Variants in KCNN3 observed in about 807,000 individuals in gnomAD.
The protein encoded by KCNN3 is potassium calcium-activated channel subfamily N member 3, also known as small conductance calcium-activated potassium channel protein 3.
KCNN3 carries 16 observed loss-of-function variants against 62.9 expected under a neutral mutation model. The ratio of observed to expected loss-of-function variants is 0.25; its 90% CI spans 0.17 to 0.39. KCNN3 has a LOEUF of 0.39. Among genes scored for constraint, KCNN3 ranks in the 10% least tolerant of loss-of-function variants. The pLI is 1.00. For synonymous variants in KCNN3, 370 were observed against 389.2 expected (o/e 0.95, Z 0.58); for missense variants, 599 against 949.4 (o/e 0.63, Z 4.85).
chr1:154,859,449 T>C (rs1218587), intron 1 of KCNN3, among the ~76,000 whole-genome samples: 39,768 of 152,104 alleles, frequency 0.26, 5,915 homozygotes, highest in African/African-American at 0.4. Flanking sequence ...TTAGTGGATG[T>C]CAGTCTCCCC....
intron 2 of KCNN3, among the ~76,000 whole-genome samples, chr1:154,804,197 A>G (rs946343981): frequency 3.3e-5 from 5 of 152,242 alleles, no homozygotes; most frequent in Admixed American, 2.0e-4. Flanking sequence ...CATTTGCAGC[A>G]GGAACTGGGA....
At chr1:154,726,647 C>T (rs1033343490) in intron 4 of KCNN3, among the ~76,000 whole-genome samples, 2 of 152,238 alleles carry the variant, frequency 1.3e-5, no homozygotes, top group Non-Finnish European at 2.9e-5. Context: ...GCTTTTTCAC[C>T]TCAAGGTTTA....
intron 1 of KCNN3, chr1:154,859,582 C>T (rs1250032299): frequency 2.0e-6 from 2 of 1,010,652 alleles, no homozygotes; most frequent in Non-Finnish European, 1.6e-6. Flanking sequence ...CCCTGCAGGG[C>T]CCCCTCAGCT....
intron 3 of KCNN3, among the ~76,000 whole-genome samples, chr1:154,764,452 A>T (rs1648167696): frequency 6.6e-6 from 1 of 152,210 alleles, no homozygotes; most frequent in Non-Finnish European, 1.5e-5. Flanking sequence ...ACAGTCTCAT[A>T]GAACTATGGT....
intron 1 of KCNN3, among the ~76,000 whole-genome samples, chr1:154,841,759 C>A (rs13376329): frequency 0.04 from 6,033 of 152,242 alleles, 416 homozygotes; most frequent in African/African-American, 0.14. Context: ...TGCTTGCTAG[C>A]AGGAGTAAGG....
At chr1:154,787,115 A>G (rs574938683) in intron 2 of KCNN3, among the ~76,000 whole-genome samples, 27 of 152,328 alleles carry the variant, frequency 1.8e-4, no homozygotes, top group African/African-American at 5.8e-4. Flanking sequence ...TGTGAAAAAT[A>G]CTTCCAGGGC....
chr1:154,787,739 A>G (rs1649345300), intron 2 of KCNN3, among the ~76,000 whole-genome samples: 1 of 152,166 alleles, frequency 6.6e-6, no homozygotes. Context: ...AGAAGCCCAC[A>G]GGGCCAAGAG....
At chr1:154,853,216 T>C (rs949041142) in intron 1 of KCNN3, among the ~76,000 whole-genome samples, 3 of 152,160 alleles carry the variant, frequency 2.0e-5, no homozygotes, top group African/African-American at 4.8e-5. Flanking sequence ...CTCAAACTCC[T>C]GGCTTCAAGC....
At chr1:154,813,446 A>C (rs890899593) in intron 2 of KCNN3, among the ~76,000 whole-genome samples, 2 of 152,066 alleles carry the variant, frequency 1.3e-5, no homozygotes, top group Admixed American at 6.5e-5. Context: ...TTAAGCCCGC[A>C]GGGGAGGAGG....
intron 1 of KCNN3, among the ~76,000 whole-genome samples, chr1:154,849,736 C>T (rs80155617): frequency 0.024 from 3,700 of 152,286 alleles, 152 homozygotes; most frequent in African/African-American, 0.083. Context: ...GCTCCATTTT[C>T]GCATTCATCC....
At chr1:154,714,185 GTGTGTGT>G (rs1700151644) in intron 6 of KCNN3, among the ~76,000 whole-genome samples, 1 of 141,418 alleles carries the variant, frequency 7.1e-6, no homozygotes, top group African/African-American at 2.7e-5. Context: ...GGTGTGTGGT[GTGTGTGT>G]GGTGTGTGTG....
At chr1:154,840,904 G>C (rs79984111) in intron 1 of KCNN3, among the ~76,000 whole-genome samples, 2 of 152,232 alleles carry the variant, frequency 1.3e-5, no homozygotes, top group East Asian at 3.9e-4. Flanking sequence ...ACCGAATCCA[G>C]ACTGAGTGTG....
At chr1:154,780,194 CTTTTTTTTTTT>C (rs71077969) in intron 2 of KCNN3, among the ~76,000 whole-genome samples, 4 of 102,048 alleles carry the variant, frequency 3.9e-5, no homozygotes, top group Admixed American at 1.1e-4. Flanking sequence ...TTCTTTTTTT[CTTTTTTTTTTT>C]TTTTTTTTTT....
intron 2 of KCNN3, among the ~76,000 whole-genome samples, chr1:154,793,098 A>T (rs1197860167): frequency 6.6e-6 from 1 of 152,146 alleles, no homozygotes; most frequent in African/African-American, 2.4e-5. Context: ...TTCCACTCCA[A>T]ATGGAGATGG....
At chr1:154,808,491 T>C (rs6426948) in intron 2 of KCNN3, among the ~76,000 whole-genome samples, 24,687 of 152,088 alleles carry the variant, frequency 0.16, 3,063 homozygotes, top group African/African-American at 0.35. Context: ...CTCCACACCC[T>C]TGTCCTCAGC....
At chr1:154,843,456 T>C (rs148103473) in intron 1 of KCNN3, among the ~76,000 whole-genome samples, 20 of 152,026 alleles carry the variant, frequency 1.3e-4, no homozygotes, top group African/African-American at 4.8e-4. Flanking sequence ...TCATCAAATA[T>C]TTTTTTTAAT....
At chr1:154,837,961 G>T (rs986092971) in intron 1 of KCNN3, among the ~76,000 whole-genome samples, 1 of 152,320 alleles carries the variant, frequency 6.6e-6, no homozygotes, top group African/African-American at 2.4e-5. Flanking sequence ...AGGCGCTCTC[G>T]CAGGGCTGGA....
In KCNN3 at chr1:154,704,429, A is replaced by G. The variant is rs1351441828; in HGVS notation, c.*3547T>C. 2 of 152,204 alleles carry G rather than the reference A, an allele frequency of 1.3e-5. No individual in the cohort carries two copies. Among genetic ancestry groups the G allele is most frequent in the Non-Finnish European group, 2.9e-5 (2 of 68,042 alleles). The allele number at this position is 152,204 out of a possible 1,614,324, so 9.4% of individuals were successfully genotyped here. A position where few individuals can be genotyped will look rare whatever the true frequency, so the allele number is the denominator to read the frequency against. On this transcript the variant is annotated 3_prime_UTR_variant, in exon 8 of 8. Coordinates refer to ENST00000271915, the MANE Select transcript of KCNN3 (RefSeq NM_002249.6). The stretch of plus-strand genomic sequence containing the variant: ...GGTGAAGACTTTTATTTGGACTTCA[A>G]TCTAAGGAGGAGTGAGCCCCTAGTC...
chr1:154,843,235 G>C (rs530221471), intron 1 of KCNN3, among the ~76,000 whole-genome samples: 15 of 152,058 alleles, frequency 9.9e-5, no homozygotes, highest in African/African-American at 3.6e-4. Flanking sequence ...CCCAACCAGG[G>C]CTGGCTCCCT....
Sources: gnomAD v4.1 joint callset for allele counts (sites outside exome capture counted in the v4.1 genomes callset) on GRCh38, gnomAD v4.1.1 for gene constraint, MANE v1.5 for transcripts, NCBI Gene and HGNC (gene_info 2026-07-23, HGNC 2026-07-21) for gene names.